C10orf90: variants seen among roughly 807,000 people sequenced by gnomAD.
The protein encoded by C10orf90 is (E2-independent) E3 ubiquitin-conjugating enzyme FATS.
In C10orf90, 56 loss-of-function variants were observed where a neutral mutation model predicts 62.5. The ratio of observed to expected loss-of-function variants is 0.90; its 90% CI spans 0.72 to 1.12. The LOEUF (loss-of-function observed/expected upper bound fraction) is 1.12. C10orf90 is among the 50% of genes most tolerant of loss of function. C10orf90 has a pLI of 0.00. For missense variants in C10orf90, 970 were observed against 880.4 expected (o/e 1.10, Z -1.29); for synonymous variants, 386 against 340.4 (o/e 1.13, Z -1.47).
chr10:126,602,835 C>T (rs1367074365), intron 2 of C10orf90, among the ~76,000 whole-genome samples: 1 of 151,148 alleles, frequency 6.6e-6, no homozygotes, highest in Non-Finnish European at 1.5e-5. Context: ...TCTTGGATTC[C>T]ATGAAATGTG....
intron 2 of C10orf90, among the ~76,000 whole-genome samples, chr10:126,608,775 A>G (rs1436826831): frequency 6.6e-6 from 1 of 152,212 alleles, no homozygotes; most frequent in Non-Finnish European, 1.5e-5. Flanking sequence ...AGAAAATTAT[A>G]GTTATTTTTT....
intron 4 of C10orf90, among the ~76,000 whole-genome samples, chr10:126,497,967 T>C (rs1862162186): frequency 6.6e-6 from 1 of 152,220 alleles, no homozygotes; most frequent in African/African-American, 2.4e-5. Context: ...TCTGGGTTAC[T>C]TGTTGTTAAC....
chr10:126,602,349 G>A (rs1283690799), intron 2 of C10orf90, among the ~76,000 whole-genome samples: 3 of 152,188 alleles, frequency 2.0e-5, no homozygotes, highest in Non-Finnish European at 4.4e-5. Context: ...TCTCTGACCT[G>A]GGCCTCTAGC....
intron 2 of C10orf90, among the ~76,000 whole-genome samples, chr10:126,552,949 T>C (rs1422329019): frequency 6.6e-6 from 1 of 152,224 alleles, no homozygotes; most frequent in African/African-American, 2.4e-5. Flanking sequence ...GTTTTGGGTC[T>C]ATTAGACATC....
chr10:126,470,731 C>T (rs1339214851), intron 4 of C10orf90, among the ~76,000 whole-genome samples: 3 of 140,512 alleles, frequency 2.1e-5, no homozygotes, highest in Non-Finnish European at 4.5e-5. Flanking sequence ...GCCTGGGTGA[C>T]AGAACGAGAC....
chr10:126,574,825 A>G (rs1201641492), intron 2 of C10orf90, among the ~76,000 whole-genome samples: 1 of 152,172 alleles, frequency 6.6e-6, no homozygotes, highest in Non-Finnish European at 1.5e-5. Context: ...CTATGGCCAT[A>G]CCACTCTGAA....
intron 4 of C10orf90, among the ~76,000 whole-genome samples, chr10:126,486,598 ATAAT>A (rs1011137324): frequency 7.2e-5 from 11 of 152,202 alleles, no homozygotes; most frequent in Non-Finnish European, 1.0e-4. Context: ...AAGGCATAAA[ATAAT>A]TAATTTATGA....
intron 1 of C10orf90, among the ~76,000 whole-genome samples, chr10:126,656,890 T>C (rs1210182177): frequency 6.6e-6 from 1 of 152,250 alleles, no homozygotes; most frequent in African/African-American, 2.4e-5. Context: ...TGAATAAGCT[T>C]CAACTTAGCT....
At chr10:126,630,105 C>T (rs759923947) in intron 2 of C10orf90, among the ~76,000 whole-genome samples, 2 of 152,344 alleles carry the variant, frequency 1.3e-5, no homozygotes, top group East Asian at 3.9e-4. Flanking sequence ...CTGGTGCCGG[C>T]AGGACCATAT....
intron 2 of C10orf90, among the ~76,000 whole-genome samples, chr10:126,606,292 T>C (rs1182834871): frequency 2.0e-5 from 3 of 152,210 alleles, no homozygotes; most frequent in Admixed American, 2.0e-4. Flanking sequence ...ATAATCAGTA[T>C]GATAAATGAT....
At chr10:126,515,408 T>C (rs903874882) in intron 2 of C10orf90, among the ~76,000 whole-genome samples, 3 of 152,342 alleles carry the variant, frequency 2.0e-5, no homozygotes, top group Middle Eastern at 3.4e-3. Flanking sequence ...CCATTTTCTA[T>C]CTTTTAGCCT....
At chr10:126,554,795 G>A (rs1209606273) in intron 2 of C10orf90, among the ~76,000 whole-genome samples, 1 of 152,170 alleles carries the variant, frequency 6.6e-6, no homozygotes, top group Non-Finnish European at 1.5e-5. Flanking sequence ...TATTCCAAAA[G>A]ACTCCTCCTG....
rs536039146 is a variant in C10orf90, at chr10:126,604,869, T to G, written c.313+41696A>C. Among the ~76,000 whole-genome samples, 51 of 152,290 alleles carry G rather than the reference T, an allele frequency of 3.3e-4. No individual in the cohort carries two copies. In the South Asian group the frequency reaches 0.011, roughly 32 times the overall value. On this transcript the variant is annotated intron_variant, in intron 2 of 9. Transcript: ENST00000488181. ...ATAGGGCACAAGAGGTATATGCATA[T>G]CCATTTTTCCATTAATGGATCTTGG...
chr10:126,543,908 A>C (rs960698820), intron 2 of C10orf90, among the ~76,000 whole-genome samples: 1 of 152,144 alleles, frequency 6.6e-6, no homozygotes, highest in Non-Finnish European at 1.5e-5. Flanking sequence ...CTATCACCAC[A>C]CATCAGCCAC....
At chr10:126,524,807 G>A (rs1863885163) in intron 2 of C10orf90, 4 of 985,558 alleles carry the variant, frequency 4.1e-6, no homozygotes, top group African/African-American at 1.7e-5. Flanking sequence ...GCCATCGAGG[G>A]AGGGCATGTG....
At chr10:126,490,005 T>TATATATATATA (rs1564827877) in intron 4 of C10orf90, among the ~76,000 whole-genome samples, 3 of 84,838 alleles carry the variant, frequency 3.5e-5, no homozygotes, top group African/African-American at 1.5e-4. Context: ...TATTATATAT[T>TATATATATATA]ATATATATTA....
At chr10:126,461,725 A>G in intron 5 of C10orf90, 140 bp from the exon 6 acceptor site, 1 of 856,418 alleles carries the variant, frequency 1.2e-6, no homozygotes, top group Non-Finnish European at 1.8e-6. Context: ...AGCTGACAAG[A>G]TCATGCCTCA....
At chr10:126,446,356 G>T (rs1380413290) in intron 7 of C10orf90, among the ~76,000 whole-genome samples, 1 of 151,690 alleles carries the variant, frequency 6.6e-6, no homozygotes, top group Non-Finnish European at 1.5e-5. Flanking sequence ...ACAAATCAAA[G>T]ACAAAGAGAG....
At chr10:126,440,038 A>G (rs1365138924) in intron 7 of C10orf90, among the ~76,000 whole-genome samples, 3 of 152,208 alleles carry the variant, frequency 2.0e-5, no homozygotes, top group Non-Finnish European at 4.4e-5. Flanking sequence ...AATTTGAACC[A>G]GTTAAGAAGC....
Sources: allele counts gnomAD v4.1 joint callset (sites outside exome capture counted in the v4.1 genomes callset), GRCh38; gene constraint gnomAD v4.1.1; transcripts MANE v1.5; gene names NCBI Gene and HGNC (gene_info 2026-07-23, HGNC 2026-07-21).